The following CPNE5 variants were observed in gnomAD, a reference collection of about 807,000 sequenced individuals.
CPNE5 encodes the protein copine 5.
Under a neutral mutation model 81.1 loss-of-function variants are expected in CPNE5, and 42 were observed. The observed-to-expected ratio is 0.52, with a 90% CI of 0.40 to 0.67. The LOEUF is 0.67. Ranked by LOEUF, CPNE5 falls within the 30% of genes least tolerant of loss-of-function variation. The pLI is 0.00. For missense variants in CPNE5, 612 were observed against 815.5 expected (o/e 0.75, Z 3.04); for synonymous variants, 313 against 321.5 (o/e 0.97, Z 0.28).
At chr6:36,751,908 G>T (rs189632608) in intron 14 of CPNE5, among the ~76,000 whole-genome samples, 286 of 152,298 alleles carry the variant, frequency 1.9e-3, no homozygotes, top group African/African-American at 6.6e-3. Flanking sequence ...TGATTAATGG[G>T]ATTGAGAGGG....
chr6:36,808,478 A>T (rs1197998074), intron 3 of CPNE5, among the ~76,000 whole-genome samples: 4 of 152,156 alleles, frequency 2.6e-5, no homozygotes, highest in African/African-American at 9.6e-5. Flanking sequence ...GCACAAGGAC[A>T]TCTCCCGGCA....
intron 3 of CPNE5, among the ~76,000 whole-genome samples, chr6:36,819,113 T>C (rs1271707932): frequency 1.3e-5 from 2 of 152,234 alleles, no homozygotes; most frequent in African/African-American, 4.8e-5. Flanking sequence ...TTTGTTTTTG[T>C]TTTTTCTGAG....
Position 36,746,655 on chromosome 6 carries a change from T to C in CPNE5, c.1019-78A>G. On this transcript the variant is annotated intron_variant, in intron 15 of 20. Coordinates refer to ENST00000244751, the MANE Select transcript of CPNE5 (RefSeq NM_020939.2). The surrounding 1 kb of genome is among the most constrained non-coding windows in gnomAD (Gnocchi z 4.5). ...CGGGTTCAGAATGAAGAAGGGGGTG[T>C]CCAAGGGCACCCCTAACTTTTATTA... The C allele has an allele frequency of 2.3e-6, 3 of 1,307,930 alleles. No individual in the cohort carries two copies. Among genetic ancestry groups the C allele is most frequent in the South Asian group, 1.3e-5 (1 of 74,872 alleles). The allele number at this position is 1,307,930 out of a possible 1,614,324, so 81.0% of individuals were successfully genotyped here.
intron 1 of CPNE5, among the ~76,000 whole-genome samples, chr6:36,829,354 G>A (rs983038290): frequency 2.0e-5 from 3 of 151,972 alleles, no homozygotes; most frequent in Non-Finnish European, 2.9e-5. Context: ...AAAATTAGCC[G>A]GGTGTGGTGG....
intron 1 of CPNE5, among the ~76,000 whole-genome samples, chr6:36,831,575 G>T (rs1772992957): frequency 7.0e-6 from 1 of 143,794 alleles, no homozygotes; most frequent in Non-Finnish European, 1.5e-5. Context: ...GGAGGTGGAG[G>T]CTGCAGTGAG....
At chr6:36,786,236 G>A (rs1481409607) in intron 8 of CPNE5, among the ~76,000 whole-genome samples, 2 of 152,102 alleles carry the variant, frequency 1.3e-5, no homozygotes, top group Non-Finnish European at 2.9e-5. Context: ...CCTCTAGGAG[G>A]AGGAGCCTGG....
chr6:36,798,248 A>G lies in CPNE5; in HGVS notation c.328-7T>C, dbSNP rs957685190. The G allele has an allele frequency of 2.5e-6, 4 of 1,612,408 alleles. No individual in the cohort carries two copies. The highest frequency in any genetic ancestry group is 3.4e-6 in the Non-Finnish European group (4 of 1,179,170). On this transcript the variant is annotated splice_region_variant and splice_polypyrimidine_tract_variant and intron_variant, in intron 5 of 20. Transcript: ENST00000244751. ...AGGCCTGGCCCAGGAAATCCTGCAT[A>G]TCCAGGGAACAGAAGAGACCAGTGT...
chr6:36,745,991 C>G (rs534563864), intron 16 of CPNE5, among the ~76,000 whole-genome samples: 6 of 152,150 alleles, frequency 3.9e-5, no homozygotes, highest in Non-Finnish European at 7.4e-5. Flanking sequence ...CCACAGGGCC[C>G]GGGATGCCCA....
chr6:36,839,250 G>C lies in CPNE5; in HGVS notation c.95+33C>G. ...GCCGCGGGGCTCTGCGTCCAGGGCC[G>C]GGGCAAGGGGACCCGGCCAGCGGGA... is the stretch of plus-strand genomic sequence containing the variant. On this transcript the variant is annotated intron_variant, in intron 1 of 20. Coordinates refer to ENST00000244751, the MANE Select transcript of CPNE5 (RefSeq NM_020939.2). The surrounding 1 kb of genome is among the most constrained non-coding windows in gnomAD (Gnocchi z 7.3). 2 of 1,472,074 alleles carry C rather than the reference G, an allele frequency of 1.4e-6. No individual in the cohort carries two copies. Among genetic ancestry groups the C allele is most frequent in the Non-Finnish European group, 1.8e-6 (2 of 1,091,238 alleles). 91.2% of individuals were successfully genotyped at this position (1,472,074 alleles called of 1,614,324 possible).
chr6:36,839,863 C>A (rs1301871964), upstream of CPNE5: 3 of 151,220 alleles, frequency 2.0e-5, no homozygotes, highest in Admixed American at 1.3e-4. The surrounding 1 kb of genome is among the most constrained non-coding windows in gnomAD (Gnocchi z 7.3). Context: ...CAGCGCGGAG[C>A]CCGAGCGCCC....
At chr6:36,759,119 C>G (rs552626220) in intron 12 of CPNE5, among the ~76,000 whole-genome samples, 1 of 152,220 alleles carries the variant, frequency 6.6e-6, no homozygotes, top group Non-Finnish European at 1.5e-5. Context: ...GGAGAATGAA[C>G]CCGGAGTCCT....
At chr6:36,826,540 A>AC (rs1453080838) in intron 1 of CPNE5, among the ~76,000 whole-genome samples, 2 of 151,942 alleles carry the variant, frequency 1.3e-5, no homozygotes, top group African/African-American at 4.8e-5. Context: ...GACTCGTAGG[A>AC]CCCCATTACA....
intron 3 of CPNE5, among the ~76,000 whole-genome samples, chr6:36,818,130 T>C (rs1281216188): frequency 6.6e-6 from 1 of 152,100 alleles, no homozygotes; most frequent in Non-Finnish European, 1.5e-5. Flanking sequence ...ATCCTGAAAG[T>C]TCCTTCCAAC....
chr6:36,796,195 C>T (rs1257210404), intron 6 of CPNE5, among the ~76,000 whole-genome samples: 3 of 152,196 alleles, frequency 2.0e-5, no homozygotes, highest in African/African-American at 7.2e-5. Context: ...GTGATCCACC[C>T]GCCTCGGCCT....
At chr6:36,770,011 G>A (rs1035720190) in intron 10 of CPNE5, among the ~76,000 whole-genome samples, 1 of 152,232 alleles carries the variant, frequency 6.6e-6, no homozygotes, top group African/African-American at 2.4e-5. Flanking sequence ...GACAACTGTG[G>A]TTTAACAGGG....
chr6:36,819,091 A>G (rs1250613421), intron 3 of CPNE5, among the ~76,000 whole-genome samples: 1 of 151,972 alleles, frequency 6.6e-6, no homozygotes, highest in East Asian at 1.9e-4. Context: ...TATTTCTCAC[A>G]TTTTTTTTGT....
At chr6:36,788,829 A>T (rs1255440017) in intron 8 of CPNE5, among the ~76,000 whole-genome samples, 2 of 152,184 alleles carry the variant, frequency 1.3e-5, no homozygotes, top group African/African-American at 4.8e-5. Context: ...CAGATGAACA[A>T]GGCTTTTCTA....
intron 3 of CPNE5, among the ~76,000 whole-genome samples, chr6:36,813,268 C>T (rs945866283): frequency 2.6e-5 from 4 of 152,186 alleles, no homozygotes; most frequent in East Asian, 3.9e-4. Flanking sequence ...TGGTGGCCCA[C>T]GCCTGTAATC....
At chr6:36,812,473 C>T (rs1202331747) in intron 3 of CPNE5, among the ~76,000 whole-genome samples, 2 of 152,100 alleles carry the variant, frequency 1.3e-5, no homozygotes, top group African/African-American at 2.4e-5. Context: ...GTGATTCTGC[C>T]ATGTGGTCCC....
Sources: allele counts gnomAD v4.1 joint callset (sites outside exome capture counted in the v4.1 genomes callset), GRCh38; gene constraint gnomAD v4.1.1; non-coding constraint Gnocchi (gnomAD v3.1); transcripts MANE v1.5; gene names NCBI Gene and HGNC (gene_info 2026-07-23, HGNC 2026-07-21).